FBXL5: variants seen among roughly 807,000 people sequenced by gnomAD.
The protein encoded by FBXL5 is F-box/LRR-repeat protein 5.
A neutral mutation model predicts 78.3 loss-of-function variants in FBXL5; 26 were observed. That is an observed-to-expected ratio of 0.33 (90% confidence interval 0.24 to 0.46). The LOEUF (loss-of-function observed/expected upper bound fraction) is 0.46. Among genes scored for constraint, FBXL5 ranks in the 20% least tolerant of loss-of-function variants. FBXL5 has a pLI of 1.00. For missense variants in FBXL5, 710 were observed against 829.2 expected (o/e 0.86, Z 1.77); for synonymous variants, 295 against 282.5 (o/e 1.04, Z -0.45).
chr4:15,617,999 A>G (rs537854777), intron 9 of FBXL5, among the ~76,000 whole-genome samples: 17 of 152,348 alleles, frequency 1.1e-4, no homozygotes, highest in Admixed American at 6.5e-4. Flanking sequence ...AAGGAATTAG[A>G]AAAAGGAAAC....
intron 9 of FBXL5, among the ~76,000 whole-genome samples, chr4:15,618,678 C>T (rs952879176): frequency 6.6e-6 from 1 of 152,018 alleles, no homozygotes; most frequent in African/African-American, 2.4e-5. Flanking sequence ...CCCGTCTCCA[C>T]TAAAAATACA....
At chr4:15,661,910 A>G (rs565340609), upstream of FBXL5, among the ~76,000 whole-genome samples, 8 of 152,310 alleles carry the variant, frequency 5.3e-5, no homozygotes, top group Non-Finnish European at 1.0e-4. Context: ...GAGGCCTCAC[A>G]TCCTCATAGG....
intron 1 of FBXL5, among the ~76,000 whole-genome samples, chr4:15,671,859 C>T (rs1717784128): frequency 6.6e-6 from 1 of 152,182 alleles, no homozygotes. Flanking sequence ...GTAGGTTTTA[C>T]ATTTCACACA....
intron 2 of FBXL5, among the ~76,000 whole-genome samples, chr4:15,641,789 C>T (rs374347574): frequency 3.9e-5 from 6 of 152,110 alleles, no homozygotes; most frequent in East Asian, 1.9e-4. Context: ...CACTTTGGGA[C>T]GCAGAGGCAG....
At chr4:15,671,758 G>A (rs1717779715) in intron 1 of FBXL5, among the ~76,000 whole-genome samples, 1 of 151,942 alleles carries the variant, frequency 6.6e-6, no homozygotes, top group African/African-American at 2.4e-5. Flanking sequence ...TATTTTTTTG[G>A]TGTGACTTTG....
intron 5 of FBXL5, among the ~76,000 whole-genome samples, chr4:15,633,785 A>G (rs548071792): frequency 1.3e-5 from 2 of 152,282 alleles, no homozygotes; most frequent in Admixed American, 6.5e-5. Flanking sequence ...ATTTTAGTAG[A>G]CAGAGCGTTT....
chr4:15,620,089 T>C (rs1404332917), intron 9 of FBXL5, among the ~76,000 whole-genome samples: 1 of 151,686 alleles, frequency 6.6e-6, no homozygotes, highest in Non-Finnish European at 1.5e-5. Flanking sequence ...AAAAAGAAAA[T>C]TCAGAAAGAT....
chr4:15,631,138 A>G (rs906350774), intron 5 of FBXL5, among the ~76,000 whole-genome samples: 1 of 152,054 alleles, frequency 6.6e-6, no homozygotes, highest in African/African-American at 2.4e-5. Context: ...TCTTTGTTCA[A>G]TTCCCAACTA....
chr4:15,607,268 C>T (rs922259340), intron 10 of FBXL5, among the ~76,000 whole-genome samples: 3 of 151,870 alleles, frequency 2.0e-5, no homozygotes, highest in Admixed American at 1.3e-4. Context: ...TTGTATTATT[C>T]GATGTTAAAT....
chr4:15,626,209 G>A (rs1293468419), intron 8 of FBXL5, among the ~76,000 whole-genome samples: 1 of 152,188 alleles, frequency 6.6e-6, no homozygotes, highest in Non-Finnish European at 1.5e-5. Flanking sequence ...GGTAGGATTT[G>A]AGAGGCGTAA....
chr4:15,681,504 C>A, exon 1 of FBXL5: 1 of 161,412 alleles, frequency 6.2e-6, no homozygotes. Flanking sequence ...CCGCGCTCGG[C>A]TACATCCGGC....
In FBXL5 at chr4:15,635,353, C is replaced by T. The variant is rs536091045; in HGVS notation, c.766+1141G>A. On this transcript the variant is annotated intron_variant, in intron 5 of 10. Coordinates refer to ENST00000341285, the MANE Select transcript of FBXL5 (RefSeq NM_012161.4). The stretch of plus-strand genomic sequence containing the variant: ...CTCAAAAAAAAAAAAAAGTGCTATA[C>T]ATTATTATAATGAATAAAATTGCTT... Among the ~76,000 whole-genome samples the T allele has an allele frequency of 3.0e-3, 456 of 150,520 alleles. 3 individuals carry two copies. The highest frequency in any genetic ancestry group is 0.011 in the African/African-American group (441 of 41,100).
chr4:15,623,884 A>G (rs1712739564), intron 9 of FBXL5, among the ~76,000 whole-genome samples: 1 of 151,622 alleles, frequency 6.6e-6, no homozygotes, highest in South Asian at 2.1e-4. Flanking sequence ...GTGCAGCAGC[A>G]TGATCTCGGC....
At chr4:15,634,971 A>G (rs1200304534) in intron 5 of FBXL5, among the ~76,000 whole-genome samples, 1 of 152,188 alleles carries the variant, frequency 6.6e-6, no homozygotes, top group Non-Finnish European at 1.5e-5. Flanking sequence ...AATTATTTAG[A>G]CGATATAAGT....
At chr4:15,676,454 G>C (rs1282729093) in intron 1 of FBXL5, among the ~76,000 whole-genome samples, 1 of 152,068 alleles carries the variant, frequency 6.6e-6, no homozygotes, top group African/African-American at 2.4e-5. Flanking sequence ...ACAAAAAAAA[G>C]GGAGACTCTG....
At chr4:15,619,164 A>G (rs1357036835) in intron 9 of FBXL5, among the ~76,000 whole-genome samples, 1 of 152,126 alleles carries the variant, frequency 6.6e-6, no homozygotes, top group Non-Finnish European at 1.5e-5. Flanking sequence ...CCCTGTCTCA[A>G]AAAAAAACCT....
In FBXL5 at chr4:15,638,552, C is replaced by T. The variant is rs1338566194; in HGVS notation, c.539G>A (p.Arg180Gln). The T allele has an allele frequency of 5.0e-6, 8 of 1,601,410 alleles. No homozygotes were observed. Among genetic ancestry groups the T allele is most frequent in the African/African-American group, 1.3e-5 (1 of 74,176 alleles). ...GLSLWNHAEE[R>Q]QKFFKYSVDE... is the part of the protein sequence containing the mutation. ...CACGGAATATTTAAAAAACTTCTGT[C>T]GCTCTTCAGCATGATTCCATAGGCT... The change falls in exon 4 of 11, where the codon CGA becomes CAA. Residue 180 changes from arginine to glutamine, a missense_variant. Arg to Gln is a conservative substitution (Grantham distance 43, BLOSUM62 1). Transcript: ENST00000341285.
intron 9 of FBXL5, among the ~76,000 whole-genome samples, chr4:15,620,746 G>A (rs539235930): frequency 6.6e-6 from 1 of 152,368 alleles, no homozygotes; most frequent in East Asian, 1.9e-4. Context: ...AAGCTGGAAG[G>A]TCGGGGGTTT....
intron 6 of FBXL5, among the ~76,000 whole-genome samples, chr4:15,629,546 C>T (rs6827189): frequency 0.02 from 3,065 of 152,102 alleles, 54 homozygotes; most frequent in Middle Eastern, 0.058. Flanking sequence ...TTATTGTTTG[C>T]CTCCTGTCTC....
Sources: gnomAD v4.1 joint callset for allele counts (sites outside exome capture counted in the v4.1 genomes callset) on GRCh38, gnomAD v4.1.1 for gene constraint, MANE v1.5 for transcripts, NCBI Gene and HGNC (gene_info 2026-07-23, HGNC 2026-07-21) for gene names.